Variants in SPECC1L observed in about 807,000 individuals in gnomAD.
SPECC1L encodes the protein sperm antigen with calponin homology and coiled-coil domains 1 like, also known as cytospin-A.
In SPECC1L, 40 loss-of-function variants were observed where a neutral mutation model predicts 116.8. That is an observed-to-expected ratio of 0.34 (90% confidence interval 0.27 to 0.45). SPECC1L has a LOEUF of 0.45. SPECC1L is among the 20% of genes least tolerant of loss of function. SPECC1L has a pLI of 1.00. For synonymous variants in SPECC1L, 504 were observed against 500.6 expected, an observed-to-expected ratio of 1.01 and a Z score of -0.09; for missense variants, 1,110 against 1,373.6, an observed-to-expected ratio of 0.81 and a Z score of 3.03.
intron 16 of SPECC1L, among the ~76,000 whole-genome samples, chr22:24,413,392 C>G (rs1427157788): frequency 1.3e-5 from 2 of 152,182 alleles, no homozygotes; most frequent in African/African-American, 2.4e-5. Flanking sequence ...TCACATGGGA[C>G]ACACAGACCA....
At position 24,359,625 on chromosome 22, in the gene SPECC1L, C is replaced by T. The variant is rs574383839; in HGVS notation, c.2744-3636C>T. Among the ~76,000 whole-genome samples the T allele has an allele frequency of 1.1e-3, 160 of 152,116 alleles. 1 individual carries two copies. Among genetic ancestry groups the T allele is most frequent in the African/African-American group, 3.5e-3 (146 of 41,494 alleles). On this transcript the variant is annotated intron_variant, in intron 11 of 16. Transcript: ENST00000314328. ...AACGCCTTACCCTGGAGTTTGCCTG[C>T]GTGACTCTCGCTTGCCTGAGCTGGC...
At chr22:24,410,232 A>G (rs2042668954) in intron 14 of SPECC1L, among the ~76,000 whole-genome samples, 1 of 152,184 alleles carries the variant, frequency 6.6e-6, no homozygotes, top group African/African-American at 2.4e-5. Flanking sequence ...TCACAGGCAC[A>G]GTCATACCAT....
chr22:24,354,119 C>T (rs939080935), intron 11 of SPECC1L, among the ~76,000 whole-genome samples: 2 of 152,070 alleles, frequency 1.3e-5, no homozygotes, highest in African/African-American at 4.8e-5. Context: ...TTTAAACAAC[C>T]AGATCTCACA....
rs756714389 is a variant in SPECC1L, at chr22:24,288,615, CTTTTTTTTTTTTTT to C, written c.-38+11828_-38+11841del. Reference sequence around the variant, plus strand: ...GACTTCTCAAATCCAAAATTTTAAGCTTTTTTTTTTTTTTTTTTTTTTTTTTTTTGGACATATCC... The same window carrying C: ...GACTTCTCAAATCCAAAATTTTAAGCTTTTTTTTTTTTTTTGGACATATCC... On this transcript the variant is annotated intron_variant, in intron 2 of 16. Transcript: ENST00000314328. 7.9e-4 allele frequency among the ~76,000 whole-genome samples: 49 copies of C among 61,676 alleles called. 1 individual carries two copies. Among genetic ancestry groups the C allele is most frequent in the South Asian group, 7.3e-3 (11 of 1,514 alleles). The allele number at this position is 61,676 out of a possible 152,430, so 40.5% of individuals were successfully genotyped here. A position where few individuals can be genotyped will look rare whatever the true frequency, so the allele number is the denominator to read the frequency against.
chr22:24,293,302 A>T (rs2049191666), intron 2 of SPECC1L, among the ~76,000 whole-genome samples: 1 of 151,384 alleles, frequency 6.6e-6, no homozygotes, highest in Admixed American at 6.6e-5. Context: ...CAAGTACAAA[A>T]ATTAACGGGG....
rs150858855 is a variant in SPECC1L at position 24,408,229 on chromosome 22, T to C, written c.3088-3359T>C. ...ATGAGATCAAAGAGATGAGATTGCA[T>C]GCGTGTGCGTGTGTTCAGGGGTCTT... On this transcript the variant is annotated intron_variant, in intron 14 of 16. Transcript: ENST00000314328. Among the ~76,000 whole-genome samples the C allele has an allele frequency of 9.2e-5, 14 of 152,354 alleles. No individual in the cohort carries two copies. In the East Asian group the frequency reaches 2.3e-3, roughly 25 times the overall value.
At position 24,313,299 on chromosome 22, in the gene SPECC1L, T is replaced by G. The variant is rs751208688; in HGVS notation, c.154-14T>G. ...TGATCTAGTAAATTTGTTTTTATTT[T>G]CTGTTGCTTCTAGACCAAGAGCAGT... is the stretch of plus-strand genomic sequence containing the variant. On this transcript the variant is annotated splice_polypyrimidine_tract_variant and intron_variant, in intron 3 of 16. Coordinates refer to ENST00000314328, the MANE Select transcript of SPECC1L (RefSeq NM_015330.6). 5 of 1,614,050 alleles carry G rather than the reference T, an allele frequency of 3.1e-6. No homozygotes were observed. The highest frequency in any genetic ancestry group is 4.2e-6 in the Non-Finnish European group (5 of 1,179,974).
chr22:24,290,678 C>T (rs1382308961), intron 2 of SPECC1L, among the ~76,000 whole-genome samples: 3 of 152,168 alleles, frequency 2.0e-5, no homozygotes, highest in Non-Finnish European at 4.4e-5. Flanking sequence ...TGCACATGTG[C>T]AGTTTTTTGA....
intron 15 of SPECC1L, chr22:24,412,371 C>T (rs2042715709): frequency 1.9e-6 from 1 of 537,764 alleles, no homozygotes; most frequent in South Asian, 2.0e-5. Flanking sequence ...TGTTCAGGTG[C>T]CACAGCATTG....
At chr22:24,365,372 G>T in intron 12 of SPECC1L, 104 bp from the exon 13 acceptor site, 1 of 1,062,498 alleles carries the variant, frequency 9.4e-7, no homozygotes, top group Non-Finnish European at 1.4e-6. Flanking sequence ...TTTTCCTCCT[G>T]TATGGTAATA....
Position 24,324,404 on chromosome 22 carries a change from A to C in SPECC1L, c.2123A>C (p.Asn708Thr). 1.2e-6 allele frequency: 2 copies of C among 1,614,010 alleles called. No individual in the cohort carries two copies. The highest frequency in any genetic ancestry group is 2.7e-5 in the African/African-American group (2 of 75,032). Residue 708 changes from asparagine (N) to threonine (T), a missense_variant, in exon 6 of 17, where the codon AAC becomes ACC. By Grantham distance (65) the Asn-to-Thr change is moderately conservative. This residue lies in a region of SPECC1L where 575 missense variants were observed against 682.4 expected (regional missense o/e 0.84). Transcript: ENST00000314328. Reference sequence around the variant, plus strand: ...CATCGTGCTGTGAAACTTCATGACAACCTCATTATTTCTGATCTAGAGAGT... The same window carrying C: ...CATCGTGCTGTGAAACTTCATGACACCCTCATTATTTCTGATCTAGAGAGT... ...EQHRAVKLHD[N>T]LIISDLENTV...
At chr22:24,274,659 C>CT (rs1169750812) in intron 1 of SPECC1L, among the ~76,000 whole-genome samples, 16 of 152,296 alleles carry the variant, frequency 1.1e-4, no homozygotes, top group African/African-American at 2.9e-4. Context: ...CATTGTGGTT[C>CT]TGTCCTTTAT....
chr22:24,275,902 G>A (rs941476759), intron 1 of SPECC1L, among the ~76,000 whole-genome samples: 2 of 152,100 alleles, frequency 1.3e-5, no homozygotes, highest in Non-Finnish European at 2.9e-5. Flanking sequence ...TTTGAGAGAC[G>A]TGGTCTTGCC....
At chr22:24,293,281 C>T (rs373116391) in intron 2 of SPECC1L, among the ~76,000 whole-genome samples, 48 of 152,100 alleles carry the variant, frequency 3.2e-4, no homozygotes, top group African/African-American at 1.1e-3. Context: ...TAGTTAAACC[C>T]GTCTCTACTA....
intron 2 of SPECC1L, among the ~76,000 whole-genome samples, chr22:24,297,371 T>G (rs1285562751): frequency 1.3e-5 from 2 of 152,198 alleles, no homozygotes; most frequent in Non-Finnish European, 2.9e-5. Flanking sequence ...ATGGAATTAG[T>G]CTAGACTTTG....
intron 14 of SPECC1L, among the ~76,000 whole-genome samples, chr22:24,399,782 AT>A (rs2042436912): frequency 6.6e-6 from 1 of 152,160 alleles, no homozygotes; most frequent in Non-Finnish European, 1.5e-5. Context: ...TTTACAGAGG[AT>A]GACATATATC....
chr22:24,278,638 G>T (rs1343020114), intron 2 of SPECC1L, among the ~76,000 whole-genome samples: 1 of 152,166 alleles, frequency 6.6e-6, no homozygotes, highest in Non-Finnish European at 1.5e-5. Flanking sequence ...GGGGTGGAGG[G>T]AGGTAAGAAT....
intron 14 of SPECC1L, among the ~76,000 whole-genome samples, chr22:24,395,520 C>T (rs1415666025): frequency 1.4e-5 from 2 of 141,892 alleles, no homozygotes; most frequent in African/African-American, 4.9e-5. Context: ...TCAATGACAG[C>T]TGCTCCAGAA....
At position 24,310,977 on chromosome 22, in the gene SPECC1L, C is replaced by T. The variant is rs151075462; in HGVS notation, c.154-2336C>T. Reference sequence around the variant, plus strand: ...AATAGGTCTCAGCATTTATTTTTGCCCCCTTGGTGTATACACTTGACCTAG... The same window carrying T: ...AATAGGTCTCAGCATTTATTTTTGCTCCCTTGGTGTATACACTTGACCTAG... On this transcript the variant is annotated intron_variant, in intron 3 of 16. Coordinates refer to ENST00000314328, the MANE Select transcript of SPECC1L (RefSeq NM_015330.6). Among the ~76,000 whole-genome samples the T allele has an allele frequency of 1.0e-3, 154 of 151,990 alleles. 3 individuals carry two copies. The East Asian group carries it at 0.022, about 22-fold the overall frequency.
Sources: allele counts gnomAD v4.1 joint callset (sites outside exome capture counted in the v4.1 genomes callset), GRCh38; gene constraint gnomAD v4.1.1; regional missense constraint gnomAD v4.1.1; transcripts MANE v1.5; gene names NCBI Gene and HGNC (gene_info 2026-07-23, HGNC 2026-07-21).